The following RABGAP1L variants were observed in gnomAD, a reference collection of about 807,000 sequenced individuals.
RABGAP1L encodes rab GTPase-activating protein 1-like.
In RABGAP1L, 63 loss-of-function variants were observed where a neutral mutation model predicts 137.7. The ratio of observed to expected loss-of-function variants is 0.46; its 90% CI spans 0.37 to 0.56. The LOEUF (loss-of-function observed/expected upper bound fraction) is 0.56, where lower values mean the gene tolerates loss of function less well. Among genes scored for constraint, RABGAP1L ranks in the 20% least tolerant of loss-of-function variants. The pLI, the probability that RABGAP1L is intolerant of heterozygous loss-of-function variation, is 0.00. For synonymous variants in RABGAP1L, 431 were observed against 433.7 expected, an observed-to-expected ratio of 0.99 and a Z score of 0.08; for missense variants, 1,095 against 1,244.0, an observed-to-expected ratio of 0.88 and a Z score of 1.80.
rs1003862243 is a variant in RABGAP1L, at chr1:174,828,352, C to A, written c.2340+16392C>A. Among the ~76,000 whole-genome samples the A allele has an allele frequency of 8.8e-5, 13 of 148,096 alleles. 1 individual carries two copies. The highest frequency in any genetic ancestry group is 3.2e-4 in the African/African-American group (13 of 40,564). ...CCTCAGTTTATCACTCCTCAGAGGA[C>A]ACTGAAGCTCCCTGTTACCTGCAAG... On this transcript the variant is annotated intron_variant, in intron 19 of 25. Coordinates refer to ENST00000681986, the MANE Select transcript of RABGAP1L (RefSeq NM_001366446.1).
chr1:174,963,233 C>T (rs1349028646), intron 20 of RABGAP1L, among the ~76,000 whole-genome samples: 1 of 151,970 alleles, frequency 6.6e-6, no homozygotes, highest in African/African-American at 2.4e-5. Flanking sequence ...TAGTAATAGA[C>T]ACAAGGATGG....
chr1:174,707,471 A>G (rs1042716072), intron 17 of RABGAP1L, among the ~76,000 whole-genome samples: 1 of 152,196 alleles, frequency 6.6e-6, no homozygotes, highest in Non-Finnish European at 1.5e-5. Flanking sequence ...TACAAAGAGC[A>G]ATGTAGAGAC....
In RABGAP1L at chr1:174,329,949, CAA is replaced by C. The variant is rs60754983; in HGVS notation, c.1465+24834_1465+24835del. 9.8e-3 allele frequency among the ~76,000 whole-genome samples: 1,402 copies of C among 142,470 alleles called. 28 individuals are homozygous for C. The highest frequency in any genetic ancestry group is 0.034 in the African/African-American group (1,338 of 39,784). 93.5% of individuals were successfully genotyped at this position (142,470 alleles called of 152,430 possible). On this transcript the variant is annotated intron_variant, in intron 11 of 25. Coordinates refer to ENST00000681986, the MANE Select transcript of RABGAP1L (RefSeq NM_001366446.1). ...ATAATAATAAAGCTTTGGTCTCCTG[CAA>C]AAAAAAAAAAATTGAAAACTTTTTC...
intron 7 of RABGAP1L, among the ~76,000 whole-genome samples, chr1:174,257,598 C>T (rs1673236614): frequency 6.6e-6 from 1 of 152,132 alleles, no homozygotes; most frequent in Non-Finnish European, 1.5e-5. Flanking sequence ...CTTCATCATC[C>T]TTAAAACTAC....
chr1:174,628,884 CAT>C (rs1175808517), intron 13 of RABGAP1L, among the ~76,000 whole-genome samples: 2 of 152,082 alleles, frequency 1.3e-5, no homozygotes, highest in East Asian at 3.8e-4. Flanking sequence ...AAAATGAATT[CAT>C]ATCAGTTTTG....
At chr1:174,397,357 G>A (rs912296096) in intron 13 of RABGAP1L, among the ~76,000 whole-genome samples, 1 of 152,172 alleles carries the variant, frequency 6.6e-6, no homozygotes, top group Admixed American at 6.5e-5. Context: ...CAGTTGTGAG[G>A]TTTTTGCATC....
chr1:174,822,733 T>C (rs1691170940), intron 19 of RABGAP1L, among the ~76,000 whole-genome samples: 1 of 152,212 alleles, frequency 6.6e-6, no homozygotes, highest in Admixed American at 6.5e-5. Flanking sequence ...GCCATAATGC[T>C]TGCTCTCCCA....
chr1:174,172,247 T>C (rs1392938598), intron 1 of RABGAP1L, among the ~76,000 whole-genome samples: 1 of 151,072 alleles, frequency 6.6e-6, no homozygotes, highest in African/African-American at 2.4e-5. Context: ...TATCTGTTCA[T>C]CTTAGGACAG....
intron 13 of RABGAP1L, among the ~76,000 whole-genome samples, chr1:174,616,703 A>G (rs1275010322): frequency 6.6e-6 from 1 of 152,246 alleles, no homozygotes; most frequent in African/African-American, 2.4e-5. Flanking sequence ...GCGGTTGAGA[A>G]TAAAAAGGAT....
chr1:174,711,749 G>A (rs1471575778), intron 17 of RABGAP1L, among the ~76,000 whole-genome samples: 1 of 152,230 alleles, frequency 6.6e-6, no homozygotes, highest in East Asian at 1.9e-4. Flanking sequence ...CTACTCCGGG[G>A]GCCTGGTCAC....
At chr1:174,851,676 C>T (rs79980808) in intron 19 of RABGAP1L, among the ~76,000 whole-genome samples, 2 of 143,132 alleles carry the variant, frequency 1.4e-5, no homozygotes, top group East Asian at 4.1e-4. Context: ...CCATGCACAG[C>T]TTTTTTTTTT....
chr1:174,352,572 C>G (rs1683293016), intron 11 of RABGAP1L, among the ~76,000 whole-genome samples: 1 of 152,068 alleles, frequency 6.6e-6, no homozygotes, highest in Non-Finnish European at 1.5e-5. Flanking sequence ...GGATTGATTG[C>G]TAGTGCTTCA....
chr1:174,492,388 G>A (rs938263978), intron 13 of RABGAP1L, among the ~76,000 whole-genome samples: 3 of 140,510 alleles, frequency 2.1e-5, no homozygotes, highest in South Asian at 2.2e-4. Flanking sequence ...CGCTCTTGTC[G>A]CCCAGGCTGG....
Position 174,439,614 on chromosome 1 carries a change from A to G in RABGAP1L, c.1710+45469A>G, listed in dbSNP as rs192673132. ...TTATAGATGACTAATACTGCCCTTC[A>G]TTTGAATATATTAGGAGGTTAATTC... On this transcript the variant is annotated intron_variant, in intron 13 of 25. Coordinates refer to ENST00000681986, the MANE Select transcript of RABGAP1L (RefSeq NM_001366446.1). Among the ~76,000 whole-genome samples, 323 of 152,270 alleles carry G rather than the reference A, an allele frequency of 2.1e-3. 5 individuals carry two copies. The highest frequency in any genetic ancestry group is 7.4e-3 in the African/African-American group (309 of 41,570).
chr1:174,727,794 A>C (rs1255929400), intron 17 of RABGAP1L, among the ~76,000 whole-genome samples: 1 of 152,252 alleles, frequency 6.6e-6, no homozygotes, highest in South Asian at 2.1e-4. Context: ...AAGCAATAAT[A>C]TGCACAATTA....
intron 11 of RABGAP1L, among the ~76,000 whole-genome samples, chr1:174,354,947 G>A (rs1477061413): frequency 6.6e-6 from 1 of 152,068 alleles, no homozygotes. Context: ...TTTTTGTCAG[G>A]TTTGTCAAAG....
chr1:174,618,808 G>C (rs1672158276), intron 13 of RABGAP1L, among the ~76,000 whole-genome samples: 3 of 152,088 alleles, frequency 2.0e-5, no homozygotes. Flanking sequence ...TTGACGAGTT[G>C]AGAGAAGAAG....
intron 17 of RABGAP1L, among the ~76,000 whole-genome samples, chr1:174,729,679 T>A (rs1367230759): frequency 6.6e-6 from 1 of 152,100 alleles, no homozygotes; most frequent in Non-Finnish European, 1.5e-5. Flanking sequence ...CAGACACTTC[T>A]CAAAAGAAGA....
In RABGAP1L at chr1:174,435,305, A is replaced by C. The variant is rs1319180262; in HGVS notation, c.1710+41160A>C. On this transcript the variant is annotated intron_variant, in intron 13 of 25. Coordinates refer to ENST00000681986, the MANE Select transcript of RABGAP1L (RefSeq NM_001366446.1). ...AGTGCTGGGATTATAAGTGTGAGCC[A>C]CTGCACCTGTTCATCTTTGTCTATC... Among the ~76,000 whole-genome samples, 4 of 152,334 alleles carry C rather than the reference A, an allele frequency of 2.6e-5. No homozygotes were observed. The South Asian group carries it at 8.3e-4, about 32-fold the overall frequency.
Sources: allele counts gnomAD v4.1 joint callset (sites outside exome capture counted in the v4.1 genomes callset), GRCh38; gene constraint gnomAD v4.1.1; transcripts MANE v1.5; gene names NCBI Gene and HGNC (gene_info 2026-07-23, HGNC 2026-07-21).